Variants in RLN2 observed in about 807,000 individuals in gnomAD.
The protein encoded by RLN2 is relaxin 2, also known as prorelaxin H2.
In RLN2, 10 loss-of-function variants were observed where a neutral mutation model predicts 7.3. The observed-to-expected ratio is 1.36, with a 90% CI of 0.84 to 2.31. The LOEUF is 2.31. RLN2 is among the 30% of genes most tolerant of loss of function. RLN2 has a pLI of 0.00. For synonymous variants in RLN2, 103 were observed against 82.3 expected (o/e 1.25, Z -1.36); for missense variants, 298 against 217.6 (o/e 1.37, Z -2.32).
chr9:5,304,753 G>C, upstream of RLN2: 1 of 650,542 alleles, frequency 1.5e-6, no homozygotes, highest in Non-Finnish European at 2.7e-6. Flanking sequence ...TAAGGCAAGG[G>C]TGCCAGCTCC....
the RLN2 span, among the ~76,000 whole-genome samples, chr9:5,312,634 G>A: frequency 6.6e-6 from 1 of 151,694 alleles, no homozygotes; most frequent in South Asian, 2.1e-4. Flanking sequence ...GTTGTATACT[G>A]TTAATGATTT....
chr9:5,325,782 G>C, the RLN2 span, among the ~76,000 whole-genome samples: 1 of 152,060 alleles, frequency 6.6e-6, no homozygotes, highest in African/African-American at 2.4e-5. Flanking sequence ...TCTAGGTGAA[G>C]ACAAGGGTTG....
At chr9:5,307,779 T>C (rs1432106804), upstream of RLN2, among the ~76,000 whole-genome samples, 1 of 152,056 alleles carries the variant, frequency 6.6e-6, no homozygotes, top group Non-Finnish European at 1.5e-5. Flanking sequence ...TACAGCCCCA[T>C]ATTGAATTCC....
chr9:5,300,688 A>G (rs1816102019), intron 1 of RLN2, among the ~76,000 whole-genome samples: 1 of 152,124 alleles, frequency 6.6e-6, no homozygotes, highest in African/African-American at 2.4e-5. Context: ...TCTCTTCATG[A>G]TCCCCTCAGT....
intron 1 of RLN2, 74 bp from the exon 2 acceptor site, chr9:5,300,518 T>C (rs1199672060): frequency 2.0e-6 from 2 of 980,442 alleles, no homozygotes; most frequent in East Asian, 2.5e-5. Context: ...ACTATGAATG[T>C]TTGCATAGAC....
upstream of RLN2, chr9:5,304,783 C>A: frequency 1.7e-6 from 1 of 601,140 alleles, no homozygotes; most frequent in Non-Finnish European, 3.0e-6. Context: ...CCACACCCCT[C>A]CACAGAATTT....
the RLN2 span, among the ~76,000 whole-genome samples, chr9:5,336,031 C>T: frequency 2.6e-5 from 4 of 151,982 alleles, no homozygotes; most frequent in African/African-American, 9.7e-5. Context: ...GTAGTAACAA[C>T]GCTTGAAAAA....
chr9:5,304,971 A>G, upstream of RLN2: 1 of 198,374 alleles, frequency 5.0e-6, no homozygotes, highest in Non-Finnish European at 1.0e-5. Flanking sequence ...CAAATTTGAG[A>G]TCACCCATAT....
upstream of RLN2, among the ~76,000 whole-genome samples, chr9:5,307,669 A>C (rs777347265): frequency 6.6e-6 from 1 of 151,944 alleles, no homozygotes; most frequent in Non-Finnish European, 1.5e-5. Flanking sequence ...CCAAGTTGTA[A>C]GTTTCCTGGG....
upstream of RLN2, among the ~76,000 whole-genome samples, chr9:5,306,997 C>G (rs1331613569): frequency 6.6e-6 from 1 of 152,014 alleles, no homozygotes; most frequent in South Asian, 2.1e-4. Context: ...TTTCTCCTTT[C>G]TTTCCTTCCT....
chr9:5,318,698 T>G, the RLN2 span, among the ~76,000 whole-genome samples: 6 of 151,954 alleles, frequency 3.9e-5, no homozygotes, highest in African/African-American at 1.5e-4. Flanking sequence ...TTCAACCTTT[T>G]GGATTCAGAA....
the RLN2 span, among the ~76,000 whole-genome samples, chr9:5,329,411 A>T: frequency 2.6e-5 from 4 of 151,782 alleles, no homozygotes; most frequent in Non-Finnish European, 5.9e-5. Flanking sequence ...TAACAATATT[A>T]ACCTTAAATG....
At chr9:5,330,637 C>CAAAAAAAAAAA in the RLN2 span, among the ~76,000 whole-genome samples, 10 of 74,656 alleles carry the variant, frequency 1.3e-4, no homozygotes, top group Non-Finnish European at 1.8e-4. Flanking sequence ...GACTCCATCT[C>CAAAAAAAAAAA]AAAAAAAAAA....
chr9:5,329,811 G>A, the RLN2 span, among the ~76,000 whole-genome samples: 1 of 151,756 alleles, frequency 6.6e-6, no homozygotes, highest in African/African-American at 2.4e-5. Flanking sequence ...AATAATAATG[G>A]GAGACTTTAA....
the RLN2 span, among the ~76,000 whole-genome samples, chr9:5,320,768 C>T: frequency 5.3e-5 from 8 of 151,956 alleles, no homozygotes; most frequent in African/African-American, 4.8e-5. Flanking sequence ...TTTAAAAATA[C>T]TAAATAAAGA....
In RLN2 at chr9:5,304,319, G is replaced by C. The variant is rs764960761; in HGVS notation, c.211+51C>G. ...CCGTTCCAATTGGGCGGCCGCCCCA[G>C]AGTAACCAATGGGAAGCGCGGGAAG... On this transcript the variant is annotated intron_variant, in intron 1 of 1. Transcript: ENST00000381627. 5 of 1,359,910 alleles carry C rather than the reference G, an allele frequency of 3.7e-6. No homozygotes were observed. The African/African-American group carries it at 4.9e-5, about 13-fold the overall frequency. 84.2% of individuals were successfully genotyped at this position (1,359,910 alleles called of 1,614,324 possible). A position where few individuals can be genotyped will look rare whatever the true frequency, so the allele number is the denominator to read the frequency against.
At chr9:5,335,412 T>C in the RLN2 span, 2 of 1,613,774 alleles carry the variant, frequency 1.2e-6, no homozygotes, top group Non-Finnish European at 8.5e-7. Context: ...CTATTGCGAA[T>C]AAGTTTCTTA....
intron 1 of RLN2, among the ~76,000 whole-genome samples, chr9:5,301,748 T>A (rs1816141315): frequency 6.6e-6 from 1 of 152,194 alleles, no homozygotes; most frequent in Non-Finnish European, 1.5e-5. Flanking sequence ...CTGGGGCTGA[T>A]CATTTCCTGA....
chr9:5,322,615 T>G, the RLN2 span, among the ~76,000 whole-genome samples: 1 of 151,914 alleles, frequency 6.6e-6, no homozygotes, highest in African/African-American at 2.4e-5. Context: ...AATTAGATGC[T>G]CTAAGTTTTC....
Sources: allele counts gnomAD v4.1 joint callset (sites outside exome capture counted in the v4.1 genomes callset), GRCh38; gene constraint gnomAD v4.1.1; transcripts MANE v1.5; gene names NCBI Gene and HGNC (gene_info 2026-07-23, HGNC 2026-07-21).